Variants in ZEB1 observed in about 807,000 individuals in gnomAD.
The protein encoded by ZEB1 is zinc finger E-box binding homeobox 1, also known as zinc finger E-box-binding homeobox 1.
A neutral mutation model predicts 84.9 loss-of-function variants in ZEB1; 21 were observed. The observed-to-expected ratio is 0.25, with a 90% CI of 0.18 to 0.36. The LOEUF (loss-of-function observed/expected upper bound fraction) is 0.36. ZEB1 is among the 10% of genes least tolerant of loss of function. The probability of loss-of-function intolerance (pLI) is 1.00; values close to 1 mark genes in which losing one functional copy is unlikely to be tolerated. For synonymous variants in ZEB1, 420 were observed against 471.1 expected (o/e 0.89, Z 1.41); for missense variants, 1,104 against 1,330.2 (o/e 0.83, Z 2.65).
intron 6 of ZEB1, among the ~76,000 whole-genome samples, chr10:31,517,565 A>G (rs988401579): frequency 6.6e-6 from 1 of 151,830 alleles, no homozygotes; most frequent in Non-Finnish European, 1.5e-5. Context: ...TCCTGATGTA[A>G]CCTTCAGGCT....
chr10:31,488,610 A>G (rs1269258649), intron 2 of ZEB1, among the ~76,000 whole-genome samples: 1 of 150,430 alleles, frequency 6.6e-6, no homozygotes, highest in East Asian at 2.0e-4. Flanking sequence ...TGTTGTTTTA[A>G]TACACAATTC....
In ZEB1 at chr10:31,417,437, A is replaced by G. The variant is rs2055403106; in HGVS notation, c.59-43600A>G. On this transcript the variant is annotated intron_variant, in intron 1 of 8. Coordinates refer to ENST00000424869, the MANE Select transcript of ZEB1 (RefSeq NM_001174096.2). ...CATTCTTTTTATTCTGGATCCTGAG[A>G]GTATCTAGAGGAAATTGCGTATTCT... Among the ~76,000 whole-genome samples the G allele has an allele frequency of 3.3e-5, 5 of 152,096 alleles. No homozygotes were observed. In the South Asian group the frequency reaches 1.0e-3, roughly 31 times the overall value.
intron 1 of ZEB1, among the ~76,000 whole-genome samples, chr10:31,382,006 CAAAAA>C (rs535534850): frequency 2.8e-3 from 114 of 40,774 alleles, no homozygotes; most frequent in Middle Eastern, 0.033. Context: ...GAGACTGTCT[CAAAAA>C]AAAAAAAAAA....
At chr10:31,352,327 A>G (rs536870577) in intron 1 of ZEB1, among the ~76,000 whole-genome samples, 16 of 152,316 alleles carry the variant, frequency 1.1e-4, no homozygotes, top group African/African-American at 2.9e-4. Flanking sequence ...GTGATTTTCC[A>G]TAATTCTATT....
At chr10:31,363,676 C>T in intron 1 of ZEB1, 1 of 1,333,638 alleles carries the variant, frequency 7.5e-7, no homozygotes, top group Non-Finnish European at 1.0e-6. Flanking sequence ...GCCTCTGAGA[C>T]AAGGGATCCT....
At chr10:31,468,577 CAGTG>C (rs1221196491) in intron 2 of ZEB1, among the ~76,000 whole-genome samples, 1 of 150,088 alleles carries the variant, frequency 6.7e-6, no homozygotes, top group Non-Finnish European at 1.5e-5. Flanking sequence ...CTATAGGAGA[CAGTG>C]AGCCTTACCA....
At chr10:31,478,849 A>T (rs141202108) in intron 2 of ZEB1, among the ~76,000 whole-genome samples, 3 of 151,802 alleles carry the variant, frequency 2.0e-5, no homozygotes, top group African/African-American at 7.2e-5. Context: ...GACGTTGGAG[A>T]CTCCAAAAAG....
intron 1 of ZEB1, chr10:31,362,831 G>T (rs770864248): frequency 3.0e-6 from 3 of 983,612 alleles, no homozygotes; most frequent in South Asian, 1.4e-5. Flanking sequence ...CTGCCCTGCC[G>T]TGTCTTCTTT....
At chr10:31,510,947 T>A (rs2069874052) in intron 5 of ZEB1, 72 bp downstream of exon 5, 3 of 1,398,972 alleles carry the variant, frequency 2.1e-6, no homozygotes, top group Middle Eastern at 1.8e-4. Context: ...AAGGCAAGGA[T>A]TTTAATATAT....
chr10:31,331,493 A>T (rs986734532), intron 1 of ZEB1, among the ~76,000 whole-genome samples: 2 of 152,184 alleles, frequency 1.3e-5, no homozygotes, highest in Non-Finnish European at 1.5e-5. Context: ...GATGAATATG[A>T]TGGATTATTG....
At chr10:31,363,613 A>G in intron 1 of ZEB1, 1 of 1,515,346 alleles carries the variant, frequency 6.6e-7, no homozygotes, top group African/African-American at 1.4e-5. Flanking sequence ...CGTCTTCGGG[A>G]GCCTGGCTGG....
chr10:31,357,454 A>G (rs1423728506), intron 1 of ZEB1, among the ~76,000 whole-genome samples: 2 of 152,162 alleles, frequency 1.3e-5, no homozygotes, highest in African/African-American at 4.8e-5. Context: ...CGATCTGAGT[A>G]CATCATGGGC....
chr10:31,319,198 G>A (rs2032951992), upstream of ZEB1: 1 of 1,516,692 alleles, frequency 6.6e-7, no homozygotes, highest in Non-Finnish European at 9.0e-7. Flanking sequence ...GGAGGGGGAG[G>A]AGGTGACTCG....
chr10:31,505,747 G>T (rs2068871403), intron 4 of ZEB1, among the ~76,000 whole-genome samples: 2 of 151,756 alleles, frequency 1.3e-5, no homozygotes, highest in Non-Finnish European at 2.9e-5. Flanking sequence ...TCATTTCATT[G>T]ATTTTGTTCT....
At chr10:31,459,744 A>G (rs1041527936) in intron 1 of ZEB1, among the ~76,000 whole-genome samples, 3 of 151,490 alleles carry the variant, frequency 2.0e-5, no homozygotes, top group African/African-American at 4.9e-5. Flanking sequence ...AGTCTATAAA[A>G]GCTGTTTTGG....
intron 1 of ZEB1, among the ~76,000 whole-genome samples, chr10:31,378,770 GACAA>G (rs985799167): frequency 9.9e-5 from 15 of 151,904 alleles, no homozygotes; most frequent in African/African-American, 1.2e-4. Context: ...AAAATAAGGT[GACAA>G]ACAGACAATC....
intron 1 of ZEB1, among the ~76,000 whole-genome samples, chr10:31,361,373 A>G (rs953897655): frequency 3.9e-5 from 6 of 152,174 alleles, no homozygotes; most frequent in African/African-American, 9.7e-5. Flanking sequence ...TTGTATTTTC[A>G]GTAGAGACGG....
At chr10:31,360,303 A>ATAGC (rs998757726) in intron 1 of ZEB1, among the ~76,000 whole-genome samples, 1 of 152,202 alleles carries the variant, frequency 6.6e-6, no homozygotes, top group African/African-American at 2.4e-5. Context: ...GGATAATTTA[A>ATAGC]TAGCTGTGAG....
chr10:31,449,234 G>C (rs866590956), intron 1 of ZEB1, among the ~76,000 whole-genome samples: 1 of 152,192 alleles, frequency 6.6e-6, no homozygotes, highest in Non-Finnish European at 1.5e-5. Context: ...GACCCCTTGC[G>C]CTTCCCAGGT....
Sources: allele counts gnomAD v4.1 joint callset (sites outside exome capture counted in the v4.1 genomes callset), GRCh38; gene constraint gnomAD v4.1.1; transcripts MANE v1.5; gene names NCBI Gene and HGNC (gene_info 2026-07-23, HGNC 2026-07-21).